The following NELL2 variants were observed in gnomAD, a reference collection of about 807,000 sequenced individuals.
The protein encoded by NELL2 is neural EGFL like 2.
Under a neutral mutation model 109.6 loss-of-function variants are expected in NELL2, and 41 were observed. The ratio of observed to expected loss-of-function variants is 0.37; its 90% confidence interval spans 0.29 to 0.49. The LOEUF (loss-of-function observed/expected upper bound fraction) is 0.49. Ranked by LOEUF, NELL2 falls within the 20% of genes least tolerant of loss-of-function variation. The pLI is 0.98. For synonymous variants in NELL2, 355 were observed against 344.7 expected, an observed-to-expected ratio of 1.03 and a Z score of -0.33; for missense variants, 900 against 1,008.3, an observed-to-expected ratio of 0.89 and a Z score of 1.45.
chr12:44,580,524 C>T (rs974464490), intron 15 of NELL2, among the ~76,000 whole-genome samples: 1 of 152,130 alleles, frequency 6.6e-6, no homozygotes, highest in African/African-American at 2.4e-5. Flanking sequence ...CGAAACCAGC[C>T]TGGGCAACAT....
chr12:44,556,318 A>G (rs768640712), intron 15 of NELL2, among the ~76,000 whole-genome samples: 1 of 152,188 alleles, frequency 6.6e-6, no homozygotes, highest in Non-Finnish European at 1.5e-5. Context: ...AGAGGGGCTG[A>G]TTTGAAATCT....
intron 2 of NELL2, among the ~76,000 whole-genome samples, chr12:44,867,800 A>G (rs1449406442): frequency 6.6e-6 from 1 of 152,092 alleles, no homozygotes; most frequent in African/African-American, 2.4e-5. Context: ...AAATCAATAT[A>G]CAAACAAAAA....
chr12:44,702,340 T>C (rs75165716), intron 12 of NELL2, among the ~76,000 whole-genome samples: 9,429 of 152,174 alleles, frequency 0.062, 967 homozygotes, highest in African/African-American at 0.21. Context: ...CCACTTTACA[T>C]CAAGCCTAGA....
At chr12:44,829,830 G>T (rs1943831314) in intron 2 of NELL2, among the ~76,000 whole-genome samples, 1 of 152,078 alleles carries the variant, frequency 6.6e-6, no homozygotes, top group Non-Finnish European at 1.5e-5. Flanking sequence ...CGTTTGCAAA[G>T]TGTTCATCTA....
At chr12:44,554,752 C>T (rs998837852) in intron 15 of NELL2, among the ~76,000 whole-genome samples, 1 of 152,142 alleles carries the variant, frequency 6.6e-6, no homozygotes, top group Non-Finnish European at 1.5e-5. Context: ...AAAGAACTTC[C>T]AGATACTTAA....
intron 2 of NELL2, among the ~76,000 whole-genome samples, chr12:44,870,822 T>C (rs1418747474): frequency 6.6e-6 from 1 of 152,200 alleles, no homozygotes; most frequent in African/African-American, 2.4e-5. Flanking sequence ...TAAAGTCAGC[T>C]GATGAGCAAA....
At chr12:44,900,469 C>T (rs1254664450) in intron 1 of NELL2, among the ~76,000 whole-genome samples, 1 of 152,080 alleles carries the variant, frequency 6.6e-6, no homozygotes, top group Non-Finnish European at 1.5e-5. Flanking sequence ...TGCTCAAAAT[C>T]GCACAACTAC....
chr12:44,822,781 T>G (rs965321227), intron 2 of NELL2, among the ~76,000 whole-genome samples: 6 of 152,184 alleles, frequency 3.9e-5, no homozygotes, highest in Admixed American at 3.3e-4. Flanking sequence ...TAATAAATAA[T>G]GAAGTAGCTC....
intron 9 of NELL2, among the ~76,000 whole-genome samples, chr12:44,751,527 A>G (rs1940652434): frequency 6.6e-6 from 1 of 152,188 alleles, no homozygotes; most frequent in Non-Finnish European, 1.5e-5. Flanking sequence ...TTCAAAAAGC[A>G]TGTCTGTAAA....
intron 13 of NELL2, among the ~76,000 whole-genome samples, chr12:44,639,969 C>T (rs558282772): frequency 3.9e-5 from 6 of 152,166 alleles, no homozygotes; most frequent in African/African-American, 1.2e-4. Flanking sequence ...TTAAACATAC[C>T]AACCTTTTAT....
intron 13 of NELL2, among the ~76,000 whole-genome samples, chr12:44,648,631 T>C (rs1276125832): frequency 6.6e-6 from 1 of 150,628 alleles, no homozygotes; most frequent in African/African-American, 2.4e-5. Flanking sequence ...GAGAATGAGA[T>C]AGTATCATAC....
intron 14 of NELL2, among the ~76,000 whole-genome samples, chr12:44,607,575 C>T (rs1945453867): frequency 6.6e-6 from 1 of 151,908 alleles, no homozygotes; most frequent in Admixed American, 6.6e-5. Context: ...TGTAACAATC[C>T]ACCTTGAAAA....
intron 12 of NELL2, among the ~76,000 whole-genome samples, chr12:44,680,871 A>G (rs370824691): frequency 6.6e-6 from 1 of 152,306 alleles, no homozygotes; most frequent in East Asian, 1.9e-4. Context: ...TTAATAATGA[A>G]GCTAACATTT....
chr12:44,771,783 C>T (rs7303297), intron 9 of NELL2, among the ~76,000 whole-genome samples: 35,044 of 152,122 alleles, frequency 0.23, 4,282 homozygotes, highest in South Asian at 0.28. Context: ...ATTCAGATAA[C>T]GAGCTGGAGT....
intron 2 of NELL2, among the ~76,000 whole-genome samples, chr12:44,843,361 T>C (rs1592640089): frequency 6.6e-6 from 1 of 152,186 alleles, no homozygotes; most frequent in African/African-American, 2.4e-5. Context: ...GAGATACCAC[T>C]ATACACTGGT....
intron 15 of NELL2, among the ~76,000 whole-genome samples, chr12:44,593,228 G>C (rs1394001242): frequency 6.6e-6 from 1 of 152,180 alleles, no homozygotes; most frequent in Admixed American, 6.5e-5. Flanking sequence ...TTGAAGAATT[G>C]AAAGTGACTG....
chr12:44,609,714 T>C (rs1945539071), intron 14 of NELL2, among the ~76,000 whole-genome samples: 1 of 152,020 alleles, frequency 6.6e-6, no homozygotes, highest in Non-Finnish European at 1.5e-5. Flanking sequence ...ATCAGGGTAA[T>C]CTTCTGGCCT....
chr12:44,701,077 T>C (rs937285426), intron 12 of NELL2, among the ~76,000 whole-genome samples: 3 of 152,218 alleles, frequency 2.0e-5, no homozygotes, highest in Non-Finnish European at 4.4e-5. Context: ...GGACCAAATA[T>C]ATACCATGCA....
At chr12:44,572,181 G>T (rs1943896928) in intron 15 of NELL2, among the ~76,000 whole-genome samples, 1 of 152,030 alleles carries the variant, frequency 6.6e-6, no homozygotes, top group Admixed American at 6.6e-5. Context: ...TCACTCTGTT[G>T]CCCAGGCTGG....
Sources: gnomAD v4.1 joint callset for allele counts (sites outside exome capture counted in the v4.1 genomes callset) on GRCh38, gnomAD v4.1.1 for gene constraint, MANE v1.5 for transcripts, NCBI Gene and HGNC (gene_info 2026-07-23, HGNC 2026-07-21) for gene names.